Variants in PAWR observed in about 807,000 individuals in gnomAD.
The protein encoded by PAWR is pro-apoptotic WT1 regulator, also known as PRKC apoptosis WT1 regulator protein.
PAWR carries 23 observed loss-of-function variants against 32.0 expected under a neutral mutation model. That is an observed-to-expected ratio of 0.72 (90% CI 0.52 to 1.02). PAWR has a LOEUF of 1.02. PAWR is among the 50% of genes least tolerant of loss of function. The pLI, the probability that PAWR is intolerant of heterozygous loss-of-function variation, is 0.00. For missense variants in PAWR, 457 were observed against 437.7 expected (o/e 1.04, Z -0.39); for synonymous variants, 226 against 187.1 (o/e 1.21, Z -1.70).
intron 6 of PAWR, among the ~76,000 whole-genome samples, chr12:79,593,589 G>A (rs981210680): frequency 6.6e-6 from 1 of 151,368 alleles, no homozygotes; most frequent in African/African-American, 2.4e-5. Context: ...GAACCCGGGG[G>A]GTGGAGGTTG....
At chr12:79,629,218 A>G (rs1368552030) in intron 2 of PAWR, among the ~76,000 whole-genome samples, 1 of 152,132 alleles carries the variant, frequency 6.6e-6, no homozygotes, top group Non-Finnish European at 1.5e-5. Flanking sequence ...TATAATAATA[A>G]AAGCAAGACC....
rs1162516532 is a variant in PAWR, at chr12:79,590,471, G to C, written c.*2136C>G. ...CCGCCTTGGCCTCCCAAAGTGCTGG[G>C]ATTACAGGCATGAGCCACTGCACCC... On this transcript the variant is annotated 3_prime_UTR_variant, in exon 7 of 7. Coordinates refer to ENST00000328827, the MANE Select transcript of PAWR (RefSeq NM_002583.4). The C allele has an allele frequency of 6.6e-6, 1 of 152,086 alleles. No homozygotes were observed. Among genetic ancestry groups the C allele is most frequent in the Non-Finnish European group, 1.5e-5 (1 of 68,036 alleles). 9.4% of individuals were successfully genotyped at this position (152,086 alleles called of 1,614,324 possible). A position where few individuals can be genotyped will look rare whatever the true frequency, so the allele number is the denominator to read the frequency against.
In PAWR at chr12:79,690,212, G is replaced by GC; in HGVS notation, c.32dup (p.Leu12ProfsTer115). 2 of 1,526,640 alleles carry GC rather than the reference G, an allele frequency of 1.3e-6. No homozygotes were observed. Among genetic ancestry groups the GC allele is most frequent in the Non-Finnish European group, 1.8e-6 (2 of 1,141,272 alleles). 94.6% of individuals were successfully genotyped at this position (1,526,640 alleles called of 1,614,324 possible). ...GGAAGTCTGTGGTGCTGCCGCCGAGGCCGCTGCTGGTCCGGTAGCCACCGG... is the reference window on the plus strand; with the variant it reads ...GGAAGTCTGTGGTGCTGCCGCCGAGGCCCGCTGCTGGTCCGGTAGCCACCGG... On this transcript the variant is annotated frameshift_variant, in exon 2 of 7. Coordinates refer to ENST00000328827, the MANE Select transcript of PAWR (RefSeq NM_002583.4). LOFTEE classifies it high-confidence loss of function.
intron 4 of PAWR, among the ~76,000 whole-genome samples, chr12:79,611,489 G>A (rs1874439844): frequency 6.6e-6 from 1 of 151,268 alleles, no homozygotes; most frequent in Admixed American, 6.6e-5. Context: ...CTATTCTCTA[G>A]TCATTGCTAT....
intron 4 of PAWR, among the ~76,000 whole-genome samples, chr12:79,613,200 T>C (rs755665531): frequency 3.9e-5 from 6 of 152,196 alleles, no homozygotes; most frequent in Non-Finnish European, 7.3e-5. Flanking sequence ...CCTCCAGAAA[T>C]GTGAGAAAAT....
At chr12:79,673,107 T>C (rs1877989215) in intron 2 of PAWR, among the ~76,000 whole-genome samples, 1 of 152,172 alleles carries the variant, frequency 6.6e-6, no homozygotes, top group Non-Finnish European at 1.5e-5. Context: ...TCTTGCTCTG[T>C]CTCCCAGGCT....
intron 3 of PAWR, among the ~76,000 whole-genome samples, chr12:79,620,092 T>C (rs1874930412): frequency 6.6e-6 from 1 of 152,198 alleles, no homozygotes; most frequent in African/African-American, 2.4e-5. Context: ...CTCAGTAAAA[T>C]TATGGCATAA....
intron 3 of PAWR, among the ~76,000 whole-genome samples, chr12:79,617,587 G>A (rs1592504000): frequency 1.3e-5 from 1 of 76,744 alleles, no homozygotes; most frequent in East Asian, 3.9e-4. Context: ...TGCAGTGAAA[G>A]GTCCCTTATA....
chr12:79,666,570 T>C lies in PAWR; in HGVS notation c.516+23159A>G, dbSNP rs1877614440. On this transcript the variant is annotated intron_variant, in intron 2 of 6. Coordinates refer to ENST00000328827, the MANE Select transcript of PAWR (RefSeq NM_002583.4). ...CAAAGTTTCCAACGGTTACATGATA[T>C]GTAATATTACAACAAACTAAAGGAT... is the stretch of plus-strand genomic sequence containing the variant. Among the ~76,000 whole-genome samples the C allele has an allele frequency of 2.0e-5, 3 of 152,214 alleles. No individual in the cohort carries two copies. The South Asian group carries it at 6.2e-4, about 32-fold the overall frequency.
Position 79,588,078 on chromosome 12 carries a change from G to A in PAWR, c.*4529C>T, listed in dbSNP as rs1262814050. On this transcript the variant is annotated 3_prime_UTR_variant, in exon 7 of 7. Coordinates refer to ENST00000328827, the MANE Select transcript of PAWR (RefSeq NM_002583.4). ...AGAAAAACATAAGAATAAAAACCCT[G>A]AATAGCATAGCCAAATCTTCCAAGA... The A allele has an allele frequency of 6.6e-6, 1 of 151,906 alleles. No homozygotes were observed. Among genetic ancestry groups the A allele is most frequent in the Non-Finnish European group, 1.5e-5 (1 of 67,844 alleles). 9.4% of individuals were successfully genotyped at this position (151,906 alleles called of 1,614,324 possible).
chr12:79,646,995 G>C (rs996811393), intron 2 of PAWR, among the ~76,000 whole-genome samples: 3 of 151,892 alleles, frequency 2.0e-5, no homozygotes, highest in Non-Finnish European at 4.4e-5. Flanking sequence ...GGCCAACATG[G>C]TGAAACCCCA....
intron 2 of PAWR, among the ~76,000 whole-genome samples, chr12:79,673,135 T>C (rs1484299278): frequency 1.3e-5 from 2 of 152,134 alleles, no homozygotes; most frequent in Non-Finnish European, 2.9e-5. Context: ...AGTGGTGTGA[T>C]CTTGGCTCAC....
At chr12:79,683,536 T>TC (rs1463151855) in intron 2 of PAWR, among the ~76,000 whole-genome samples, 2 of 151,304 alleles carry the variant, frequency 1.3e-5, no homozygotes, top group Non-Finnish European at 2.9e-5. Flanking sequence ...GTAGAGATGG[T>TC]CCCCCCAGAA....
At chr12:79,657,629 A>G (rs539929403) in intron 2 of PAWR, among the ~76,000 whole-genome samples, 64 of 152,118 alleles carry the variant, frequency 4.2e-4, no homozygotes, top group African/African-American at 1.4e-3. Flanking sequence ...GTCTCTACTA[A>G]AAACACACAA....
chr12:79,637,913 G>A (rs924411161), intron 2 of PAWR, among the ~76,000 whole-genome samples: 3 of 152,054 alleles, frequency 2.0e-5, no homozygotes, highest in Non-Finnish European at 4.4e-5. Context: ...TCAAATAGTT[G>A]TGGATATCCC....
At chr12:79,603,450 G>C (rs1874038512) in intron 4 of PAWR, among the ~76,000 whole-genome samples, 1 of 151,806 alleles carries the variant, frequency 6.6e-6, no homozygotes, top group Admixed American at 6.6e-5. Context: ...CAAAAAAAAA[G>C]AAGTCCAACT....
intron 2 of PAWR, among the ~76,000 whole-genome samples, chr12:79,640,789 T>C (rs1876284176): frequency 6.6e-6 from 1 of 152,074 alleles, no homozygotes; most frequent in Non-Finnish European, 1.5e-5. Flanking sequence ...ATCCCTGGCA[T>C]GTAAAAGAGA....
chr12:79,653,522 C>T (rs1876953884), intron 2 of PAWR, among the ~76,000 whole-genome samples: 2 of 152,262 alleles, frequency 1.3e-5, no homozygotes, highest in African/African-American at 4.8e-5. Context: ...TCTTGTTGCC[C>T]AGGCTGGAGT....
chr12:79,594,579 C>A, intron 5 of PAWR, 146 bp from the exon 6 acceptor site: 1 of 568,502 alleles, frequency 1.8e-6, no homozygotes, highest in South Asian at 2.3e-5. Context: ...GGTGAAGGAA[C>A]AAAGATCCCA....
Sources: gnomAD v4.1 joint callset for allele counts (sites outside exome capture counted in the v4.1 genomes callset) on GRCh38, gnomAD v4.1.1 for gene constraint, MANE v1.5 for transcripts, NCBI Gene and HGNC (gene_info 2026-07-23, HGNC 2026-07-21) for gene names.